Variants in PRKCA observed in about 807,000 individuals in gnomAD.
PRKCA encodes protein kinase C alpha type.
In PRKCA, 27 loss-of-function variants were observed where a neutral mutation model predicts 87.0. The ratio of observed to expected loss-of-function variants is 0.31; its 90% CI spans 0.23 to 0.43. The LOEUF is 0.43. Among genes scored for constraint, PRKCA ranks in the 20% least tolerant of loss-of-function variants. The probability of loss-of-function intolerance (pLI) is 1.00; values close to 1 mark genes in which losing one functional copy is unlikely to be tolerated. For missense variants in PRKCA, 518 were observed against 852.3 expected (o/e 0.61, Z 4.88); for synonymous variants, 329 against 311.1 (o/e 1.06, Z -0.61).
chr17:66,720,488 G>T (rs559269018), intron 8 of PRKCA, among the ~76,000 whole-genome samples: 1 of 152,184 alleles, frequency 6.6e-6, no homozygotes, highest in Non-Finnish European at 1.5e-5. Context: ...TAACGATACC[G>T]TGAAAACCCT....
At chr17:66,706,478 A>G (rs1412941162) in intron 8 of PRKCA, among the ~76,000 whole-genome samples, 1 of 103,704 alleles carries the variant, frequency 9.6e-6, no homozygotes, top group South Asian at 2.8e-4. Flanking sequence ...TACTAAAAAT[A>G]CAAAAAAAAA....
rs780437401 is a variant in PRKCA at position 66,400,499 on chromosome 17, C to G, written c.205+94372C>G. Among the ~76,000 whole-genome samples, 21 of 152,170 alleles carry G rather than the reference C, an allele frequency of 1.4e-4. 1 individual carries two copies. Among genetic ancestry groups the G allele is most frequent in the Admixed American group, 5.2e-4 (8 of 15,274 alleles). On this transcript the variant is annotated intron_variant, in intron 2 of 16. Coordinates refer to ENST00000413366, the MANE Select transcript of PRKCA (RefSeq NM_002737.3). ...CAGACCTCCAGAACTTTTCGTCTTG[C>G]AAAACTGAAACTGTCTGCCTATCAA...
intron 5 of PRKCA, among the ~76,000 whole-genome samples, chr17:66,678,876 C>T (rs1192222064): frequency 2.0e-5 from 3 of 152,206 alleles, no homozygotes; most frequent in African/African-American, 7.2e-5. Context: ...CATTTTCACA[C>T]CCACTGCAAT....
intron 3 of PRKCA, among the ~76,000 whole-genome samples, chr17:66,632,884 C>G (rs1231178117): frequency 6.6e-6 from 1 of 152,184 alleles, no homozygotes; most frequent in South Asian, 2.1e-4. Context: ...ATTACAGCAT[C>G]TTGCATAGCT....
At chr17:66,407,122 G>A (rs12709452) in intron 2 of PRKCA, among the ~76,000 whole-genome samples, 126,975 of 151,994 alleles carry the variant, frequency 0.84, 53,470 homozygotes, top group South Asian at 0.94. Context: ...GAGTAAATTT[G>A]TGAATTGTAG....
At chr17:66,749,229 C>T (rs1451390392) in intron 13 of PRKCA, among the ~76,000 whole-genome samples, 1 of 152,056 alleles carries the variant, frequency 6.6e-6, no homozygotes, top group East Asian at 1.9e-4. Context: ...TTCACAGGGG[C>T]CCCAAGACCC....
intron 2 of PRKCA, among the ~76,000 whole-genome samples, chr17:66,432,740 A>G (rs1043206745): frequency 1.3e-5 from 2 of 152,144 alleles, no homozygotes; most frequent in South Asian, 2.1e-4. Flanking sequence ...TGTTGATTGA[A>G]TAAGTGATAC....
intron 2 of PRKCA, among the ~76,000 whole-genome samples, chr17:66,328,234 A>G (rs7210846): frequency 0.56 from 85,241 of 151,694 alleles, 24,094 homozygotes; most frequent in Middle Eastern, 0.68. Flanking sequence ...TTTTGTTTTG[A>G]TAGAGACGGG....
At chr17:66,685,712 C>T (rs890089656) in intron 5 of PRKCA, among the ~76,000 whole-genome samples, 1 of 152,176 alleles carries the variant, frequency 6.6e-6, no homozygotes, top group Admixed American at 6.5e-5. Flanking sequence ...GTCCAAAGAC[C>T]CAACATCTTT....
intron 2 of PRKCA, among the ~76,000 whole-genome samples, chr17:66,470,143 C>T (rs528342883): frequency 2.6e-5 from 4 of 151,146 alleles, no homozygotes; most frequent in African/African-American, 9.7e-5. Flanking sequence ...AAGGAGATTC[C>T]CCTGACATAT....
chr17:66,551,493 G>A (rs552938309), intron 3 of PRKCA, among the ~76,000 whole-genome samples: 7 of 152,264 alleles, frequency 4.6e-5, no homozygotes, highest in Admixed American at 3.9e-4. Flanking sequence ...AGGGCAGCTC[G>A]CAGCATGGTA....
chr17:66,321,335 ACTGAAGACAGTTGGT>A, intron 2 of PRKCA, among the ~76,000 whole-genome samples: 1 of 152,330 alleles, frequency 6.6e-6, no homozygotes, highest in East Asian at 1.9e-4. Flanking sequence ...AGAATGAGAA[ACTGAAGACAGTTGGT>A]CTGAAGATAC....
At chr17:66,592,157 C>A (rs934292710) in intron 3 of PRKCA, among the ~76,000 whole-genome samples, 1 of 152,014 alleles carries the variant, frequency 6.6e-6, no homozygotes, top group African/African-American at 2.4e-5. Flanking sequence ...GAGTTTGAGA[C>A]CAGCCTGGTT....
intron 14 of PRKCA, among the ~76,000 whole-genome samples, chr17:66,784,478 C>G (rs1430141458): frequency 6.6e-6 from 1 of 151,992 alleles, no homozygotes; most frequent in African/African-American, 2.4e-5. Context: ...AACTCCTGAC[C>G]TCAGGTGATC....
At chr17:66,432,954 G>A (rs555662113) in intron 2 of PRKCA, among the ~76,000 whole-genome samples, 1 of 152,220 alleles carries the variant, frequency 6.6e-6, no homozygotes, top group South Asian at 2.1e-4. Context: ...GTAAGTGAGA[G>A]GGCAGCTTGT....
chr17:66,408,782 G>A (rs766298642), intron 2 of PRKCA, among the ~76,000 whole-genome samples: 25 of 151,990 alleles, frequency 1.6e-4, no homozygotes, highest in Admixed American at 6.6e-4. Flanking sequence ...GGCCGGGCGC[G>A]GTGGCTTGCA....
chr17:66,534,668 A>C (rs1387928384), intron 3 of PRKCA, among the ~76,000 whole-genome samples: 1 of 152,196 alleles, frequency 6.6e-6, no homozygotes, highest in Non-Finnish European at 1.5e-5. Context: ...CTCTGTCTCA[A>C]AAAAGAAAAG....
chr17:66,720,608 C>T (rs1437580326), intron 8 of PRKCA, among the ~76,000 whole-genome samples: 1 of 152,160 alleles, frequency 6.6e-6, no homozygotes, highest in African/African-American at 2.4e-5. Flanking sequence ...GCTGGGCATC[C>T]TTGGTTATAT....
chr17:66,530,083 A>AT (rs139839624), intron 3 of PRKCA, among the ~76,000 whole-genome samples: 1,987 of 152,262 alleles, frequency 0.013, 47 homozygotes, highest in African/African-American at 0.045. Context: ...AATGGATGAT[A>AT]TTTGGTTCCT....
Sources: allele counts gnomAD v4.1 joint callset (sites outside exome capture counted in the v4.1 genomes callset), GRCh38; gene constraint gnomAD v4.1.1; transcripts MANE v1.5; gene names NCBI Gene and HGNC (gene_info 2026-07-23, HGNC 2026-07-21).